The following NEK9 variants were observed in gnomAD, a reference collection of about 807,000 sequenced individuals.
NEK9 encodes serine/threonine-protein kinase Nek9.
In NEK9, 75 loss-of-function variants were observed where a neutral mutation model predicts 123.4. The observed-to-expected ratio is 0.61, with a 90% CI of 0.50 to 0.74. The LOEUF is 0.74. Among genes scored for constraint, NEK9 ranks in the 30% least tolerant of loss-of-function variants. The pLI is 0.00. For synonymous variants in NEK9, 438 were observed against 458.7 expected, an observed-to-expected ratio of 0.95 and a Z score of 0.58; for missense variants, 952 against 1,214.4, an observed-to-expected ratio of 0.78 and a Z score of 3.21.
At chr14:75,089,546 T>C (rs186380565) in intron 19 of NEK9, among the ~76,000 whole-genome samples, 2 of 151,442 alleles carry the variant, frequency 1.3e-5, no homozygotes, top group East Asian at 3.9e-4. Flanking sequence ...TTTATCTATT[T>C]ATTTTTTGAG....
rs200066834 is a variant in NEK9, at chr14:75,087,170, C to T, written c.2665G>A (p.Ala889Thr). The T allele has an allele frequency of 1.2e-6, 2 of 1,614,158 alleles. No individual in the cohort carries two copies. Among genetic ancestry groups the T allele is most frequent in the East Asian group, 2.2e-5 (1 of 44,888 alleles). The change falls in exon 21 of 22, where the codon GCG becomes ACG. Residue 889 changes from alanine to threonine, a missense_variant. By Grantham distance (58) the Ala-to-Thr change is moderately conservative (BLOSUM62 0). Coordinates refer to ENST00000238616, the MANE Select transcript of NEK9 (RefSeq NM_033116.6). The part of the protein sequence containing the change: ...AGKGTPLTPP[A>T]CACSSLQVEV... The stretch of plus-strand genomic sequence containing the variant: ...ACCTGCAGAGAGCTGCACGCACACG[C>T]AGGAGGAGTCAGTGGTGTTCCCTTC...
intron 11 of NEK9, 88 bp from the exon 12 acceptor site, chr14:75,106,790 C>A (rs551583955): frequency 8.5e-6 from 8 of 939,550 alleles, no homozygotes; most frequent in Admixed American, 2.4e-5. Context: ...TGAGGACTAC[C>A]CCAGCAAATG....
intron 20 of NEK9, 134 bp downstream of exon 20, chr14:75,088,346 C>T: frequency 1.2e-6 from 1 of 811,674 alleles, no homozygotes; most frequent in Non-Finnish European, 2.0e-6. Flanking sequence ...GCTTTAAGTA[C>T]TGCTGAATAG....
intron 16 of NEK9, among the ~76,000 whole-genome samples, chr14:75,099,996 GT>G (rs1894514977): frequency 6.6e-6 from 1 of 151,156 alleles, no homozygotes; most frequent in Non-Finnish European, 1.5e-5. Flanking sequence ...GGACGTGGTG[GT>G]TTGTGCCTGT....
At chr14:75,116,567 GA>G in intron 6 of NEK9, 2 of 281,326 alleles carry the variant, frequency 7.1e-6, no homozygotes, top group South Asian at 4.3e-5. Context: ...CCTACTGCTT[GA>G]AAAAGTGAAC....
chr14:75,117,311 A>G lies in NEK9; in HGVS notation c.646T>C (p.Tyr216His). ...TGACAGAGCTCTGGAGACATGTAATATGGGGTTCCCACAAGCTGAGCAACA... is the reference window on the plus strand; with the variant it reads ...TGACAGAGCTCTGGAGACATGTAATGTGGGGTTCCCACAAGCTGAGCAACA... ...SMAETLVGTP[Y>H]YMSPELCQGV... Residue 216 changes from tyrosine to histidine, a missense_variant, in exon 6 of 22, where the codon TAT (tyrosine) becomes CAT (histidine). Coordinates refer to ENST00000238616, the MANE Select transcript of NEK9 (RefSeq NM_033116.6). 6.2e-7 allele frequency: 1 copy of G among 1,609,972 alleles called. No homozygotes were observed. Among genetic ancestry groups the G allele is most frequent in the Non-Finnish European group, 8.5e-7 (1 of 1,178,886 alleles).
At chr14:75,109,551 T>A in intron 10 of NEK9, 134 bp downstream of exon 10, 1 of 754,808 alleles carries the variant, frequency 1.3e-6, no homozygotes. Flanking sequence ...CCTGCTCTTA[T>A]AAGAGCTTCC....
At chr14:75,087,932 C>CA (rs1446512718) in intron 20 of NEK9, among the ~76,000 whole-genome samples, 1 of 152,166 alleles carries the variant, frequency 6.6e-6, no homozygotes, top group African/African-American at 2.4e-5. Context: ...GCTACAATGT[C>CA]AGAGTTGAGT....
At chr14:75,101,186 C>G (rs200300897) in intron 15 of NEK9, 33 bp from the exon 16 acceptor site, 2 of 1,595,600 alleles carry the variant, frequency 1.3e-6, no homozygotes, top group East Asian at 2.3e-5. Flanking sequence ...TAACAAGGCA[C>G]AAATGAGTCC....
intron 18 of NEK9, among the ~76,000 whole-genome samples, chr14:75,091,898 G>A (rs1424866147): frequency 6.6e-6 from 1 of 152,026 alleles, no homozygotes; most frequent in Non-Finnish European, 1.5e-5. Flanking sequence ...TTTAATATTT[G>A]AGCCAAACTC....
In NEK9 at chr14:75,106,000, A is replaced by C; in HGVS notation, c.1529-4T>G. Reference sequence around the variant, plus strand: ...TCTGAATCCAAACCCAGTCGTCCTGAAACACACATAAGAATGAAAATCATT... The same window carrying C: ...TCTGAATCCAAACCCAGTCGTCCTGCAACACACATAAGAATGAAAATCATT... On this transcript the variant is annotated splice_region_variant and splice_polypyrimidine_tract_variant and intron_variant, in intron 12 of 21. Transcript: ENST00000238616. The C allele has an allele frequency of 6.2e-7, 1 of 1,612,190 alleles. No homozygotes were observed. Among genetic ancestry groups the C allele is most frequent in the South Asian group, 1.1e-5 (1 of 91,040 alleles).
Position 75,091,738 on chromosome 14 carries a change from A to G in NEK9, c.2234-260T>C, listed in dbSNP as rs1295279726. The G allele has an allele frequency of 1.9e-5, 7 of 365,936 alleles. No homozygotes were observed. In the East Asian group the frequency reaches 2.8e-4, roughly 15 times the overall value. 22.7% of individuals were successfully genotyped at this position (365,936 alleles called of 1,614,324 possible). A position where few individuals can be genotyped will look rare whatever the true frequency, so the allele number is the denominator to read the frequency against. On this transcript the variant is annotated intron_variant, in intron 18 of 21. Transcript: ENST00000238616. ...TACCAACTTTGTTTATCTTGTATCC[A>G]TAGCAGGTTATCAATATTCTAAAAG...
In NEK9 at chr14:75,091,189, A is replaced by C. The variant is rs1894202744; in HGVS notation, c.2442+81T>G. ...CAACAGTTTACTAGGTACTTGGAAA[A>C]CTGAGAGACCCTGACAGCTCTTTCT... On this transcript the variant is annotated intron_variant, in intron 19 of 21. Transcript: ENST00000238616. The C allele has an allele frequency of 9.8e-6, 12 of 1,221,378 alleles. No homozygotes were observed. The South Asian group carries it at 2.0e-4, about 20-fold the overall frequency. The allele number at this position is 1,221,378 out of a possible 1,614,324, so 75.7% of individuals were successfully genotyped here.
chr14:75,097,006 A>C, intron 17 of NEK9, 94 bp downstream of exon 17: 1 of 1,245,626 alleles, frequency 8.0e-7, no homozygotes. Flanking sequence ...CTTCTTCAGG[A>C]CATTTCTGTT....
At chr14:75,103,084 C>A (rs1442594449) in intron 14 of NEK9, among the ~76,000 whole-genome samples, 1 of 151,814 alleles carries the variant, frequency 6.6e-6, no homozygotes, top group Non-Finnish European at 1.5e-5. Context: ...AGGCGATATA[C>A]CTAATGTAAA....
At chr14:75,118,792 GAAAAT>G (rs948228825) in intron 5 of NEK9, 33 bp downstream of exon 5, 1 of 1,186,596 alleles carries the variant, frequency 8.4e-7, no homozygotes, top group Non-Finnish European at 1.2e-6. Context: ...CACAGTGCTA[GAAAAT>G]AAAATAAAAA....
In NEK9 at chr14:75,084,487, C is replaced by T. The variant is rs777643407; in HGVS notation, c.*77G>A. The T allele has an allele frequency of 1.3e-6, 2 of 1,561,366 alleles. No individual in the cohort carries two copies. The highest frequency in any genetic ancestry group is 1.8e-6 in the Non-Finnish European group (2 of 1,141,440). On this transcript the variant is annotated 3_prime_UTR_variant, in exon 22 of 22. Coordinates refer to ENST00000238616, the MANE Select transcript of NEK9 (RefSeq NM_033116.6). Reference sequence around the variant, plus strand: ...CTGCAAGTGAACAAAGCCAGGAAAGCTGCTCTCTGCATTCGGTAAGTGTGC... The same window carrying T: ...CTGCAAGTGAACAAAGCCAGGAAAGTTGCTCTCTGCATTCGGTAAGTGTGC...
At position 75,126,807 on chromosome 14, in the gene NEK9, G is replaced by C; in HGVS notation, c.115C>G (p.Arg39Gly). Residue 39 changes from arginine (R) to glycine (G), a missense_variant, in exon 1 of 22, where the codon CGA becomes GGA. Arg to Gly is a moderately radical substitution (Grantham distance 125, BLOSUM62 -2). Transcript: ENST00000238616. ...TGCTCCGCCGCGCCGCCGCCGGCTCGCGGCCCCTGACTGGCGCTAGGCCCC... is the reference window on the plus strand; with the variant it reads ...TGCTCCGCCGCGCCGCCGCCGGCTCCCGGCCCCTGACTGGCGCTAGGCCCC... ...SPGPSASQGP[R>G]AGGGAAEQEE... is the part of the protein sequence containing the mutation. 6.5e-7 allele frequency: 1 copy of C among 1,531,404 alleles called. No homozygotes were observed. Among genetic ancestry groups the C allele is most frequent in the Non-Finnish European group, 8.8e-7 (1 of 1,139,962 alleles). 94.9% of individuals were successfully genotyped at this position (1,531,404 alleles called of 1,614,324 possible). A position where few individuals can be genotyped will look rare whatever the true frequency, so the allele number is the denominator to read the frequency against.
At chr14:75,103,754 T>C (rs1210330932) in intron 14 of NEK9, 88 bp downstream of exon 14, 3 of 1,405,582 alleles carry the variant, frequency 2.1e-6, no homozygotes, top group South Asian at 1.4e-5. Context: ...TCAAATTCCA[T>C]GGTCACTAAC....
Sources: gnomAD v4.1 joint callset for allele counts (sites outside exome capture counted in the v4.1 genomes callset) on GRCh38, gnomAD v4.1.1 for gene constraint, MANE v1.5 for transcripts, NCBI Gene and HGNC (gene_info 2026-07-23, HGNC 2026-07-21) for gene names.